SCARA3: variants seen among roughly 807,000 people sequenced by gnomAD.
SCARA3 encodes scavenger receptor class A member 3.
In SCARA3, 39 loss-of-function variants were observed where a neutral mutation model predicts 47.0. The ratio of observed to expected loss-of-function variants is 0.83; its 90% CI spans 0.64 to 1.08. The LOEUF (loss-of-function observed/expected upper bound fraction) is 1.08, where lower values mean the gene tolerates loss of function less well. Ranked by LOEUF, SCARA3 falls within the 50% of genes least tolerant of loss-of-function variation. The pLI, the probability that SCARA3 is intolerant of heterozygous loss-of-function variation, is 0.00. For missense variants in SCARA3, 724 were observed against 792.3 expected (o/e 0.91, Z 1.04); for synonymous variants, 356 against 334.1 (o/e 1.07, Z -0.71).
In SCARA3 at chr8:27,672,933, C is replaced by A. The variant is rs1802202474; in HGVS notation, c.*1582C>A. The A allele has an allele frequency of 1.0e-6, 1 of 985,372 alleles. No individual in the cohort carries two copies. Among genetic ancestry groups the A allele is most frequent in the Non-Finnish European group, 1.2e-6 (1 of 829,950 alleles). The allele number at this position is 985,372 out of a possible 1,614,324, so 61.0% of individuals were successfully genotyped here. A position where few individuals can be genotyped will look rare whatever the true frequency, so the allele number is the denominator to read the frequency against. ...ATGTGCAACTGGTTTGCACTGCACA[C>A]CCCACGGCCATGTAACTCTCCTGTC... On this transcript the variant is annotated 3_prime_UTR_variant, in exon 6 of 6. Transcript: ENST00000301904.
Position 27,658,589 on chromosome 8 carries a change from A to T in SCARA3, c.419A>T (p.Gln140Leu), listed in dbSNP as rs1247167929. The T allele has an allele frequency of 1.2e-6, 2 of 1,614,080 alleles. No individual in the cohort carries two copies. The highest frequency in any genetic ancestry group is 1.7e-6 in the Non-Finnish European group (2 of 1,180,044). The change falls in exon 5 of 6, where the codon CAG becomes CTG. Residue 140 changes from glutamine to leucine, a missense_variant. Gln to Leu is a moderately radical substitution (Grantham distance 113). Coordinates refer to ENST00000301904, the MANE Select transcript of SCARA3 (RefSeq NM_016240.3). ...RKLQEELEGI[Q>L]KLLLAQEVQL... ...CTGCAGGAGGAGCTGGAGGGAATTC[A>T]GAAGCTGCTTCTGGCCCAGGAGGTG...
chr8:27,727,860 C>G, the SCARA3 span, among the ~76,000 whole-genome samples: 2 of 152,132 alleles, frequency 1.3e-5, no homozygotes, highest in Admixed American at 6.5e-5. Flanking sequence ...AACCAATCAC[C>G]CCAACAGCTC....
the SCARA3 span, among the ~76,000 whole-genome samples, chr8:27,688,177 T>C: frequency 6.6e-6 from 1 of 152,186 alleles, no homozygotes; most frequent in Non-Finnish European, 1.5e-5. Context: ...AGTATTCTAA[T>C]GAAAAATGAT....
rs1292352274 is a variant in SCARA3 at position 27,649,729 on chromosome 8, C to A, written c.35C>A (p.Ala12Asp). The A allele has an allele frequency of 6.2e-7, 1 of 1,614,120 alleles. No homozygotes were observed. Among genetic ancestry groups the A allele is most frequent in the Admixed American group, 1.7e-5 (1 of 60,022 alleles). ...KVRSAGGDGD[A>D]LCVTEEDLAG... ...AGGTCGGCCGGCGGCGATGGAGATG[C>A]CTTGTGCGTTACAGAAGAGGACCTG... is the stretch of plus-strand genomic sequence containing the variant. Residue 12 changes from alanine to aspartate, a missense_variant, in exon 2 of 6, where the codon GCC (alanine) becomes GAC (aspartate). By Grantham distance (126) the Ala-to-Asp change is moderately radical (BLOSUM62 -2). Coordinates refer to ENST00000301904, the MANE Select transcript of SCARA3 (RefSeq NM_016240.3).
chr8:27,665,600 G>A (rs1170915621), intron 5 of SCARA3, among the ~76,000 whole-genome samples: 1 of 152,160 alleles, frequency 6.6e-6, no homozygotes, highest in African/African-American at 2.4e-5. Context: ...TCAAACTCGG[G>A]CTCAAGCAAT....
At chr8:27,657,301 TTATC>T (rs1358418945) in intron 4 of SCARA3, among the ~76,000 whole-genome samples, 4 of 151,874 alleles carry the variant, frequency 2.6e-5, no homozygotes, top group African/African-American at 9.7e-5. Flanking sequence ...TGCCATCTAT[TTATC>T]TATTTCCATA....
In SCARA3 at chr8:27,634,039, C is replaced by T. The variant is rs1287206960; in HGVS notation, c.-162C>T. 8 of 479,200 alleles carry T rather than the reference C, an allele frequency of 1.7e-5. No homozygotes were observed. The highest frequency in any genetic ancestry group is 9.8e-6 in the Non-Finnish European group (3 of 305,870). 29.7% of individuals were successfully genotyped at this position (479,200 alleles called of 1,614,324 possible). A position where few individuals can be genotyped will look rare whatever the true frequency, so the allele number is the denominator to read the frequency against. ...GACCCTCCACTCCTCCCGCCGCCTC[C>T]GCAGCCCGCGCGCCGGAGCATGAGT... On this transcript the variant is annotated 5_prime_UTR_variant, in exon 1 of 6. Coordinates refer to ENST00000301904, the MANE Select transcript of SCARA3 (RefSeq NM_016240.3).
chr8:27,643,592 T>C (rs753506619), intron 1 of SCARA3, among the ~76,000 whole-genome samples: 1 of 152,168 alleles, frequency 6.6e-6, no homozygotes, highest in African/African-American at 2.4e-5. Context: ...GAAAACAATT[T>C]TGCAACCTTA....
the SCARA3 span, among the ~76,000 whole-genome samples, chr8:27,712,826 A>G: frequency 1.3e-5 from 2 of 152,286 alleles, no homozygotes; most frequent in South Asian, 4.1e-4. Context: ...ACTTATGGTA[A>G]AAATATAAAA....
At chr8:27,691,862 AAGACCCCT>A in the SCARA3 span, among the ~76,000 whole-genome samples, 10 of 152,132 alleles carry the variant, frequency 6.6e-5, no homozygotes, top group Admixed American at 6.6e-4. Context: ...GTTATCATAA[AAGACCCCT>A]AAGATCCAGC....
chr8:27,671,639 C>A lies in SCARA3; in HGVS notation c.*288C>A, dbSNP rs892922314. ...ATGCACACATACACAGGCATACATG[C>A]ATGCACACACACATGCACGCACACA... On this transcript the variant is annotated 3_prime_UTR_variant, in exon 6 of 6. Coordinates refer to ENST00000301904, the MANE Select transcript of SCARA3 (RefSeq NM_016240.3). The A allele has an allele frequency of 8.8e-7, 1 of 1,140,586 alleles. No individual in the cohort carries two copies. Among genetic ancestry groups the A allele is most frequent in the Non-Finnish European group, 1.1e-6 (1 of 923,238 alleles). The allele number at this position is 1,140,586 out of a possible 1,614,324, so 70.7% of individuals were successfully genotyped here.
the SCARA3 span, among the ~76,000 whole-genome samples, chr8:27,711,356 GCATTTCAATC>G: frequency 6.6e-6 from 1 of 152,192 alleles, no homozygotes; most frequent in Non-Finnish European, 1.5e-5. Context: ...CCAGAGAGAA[GCATTTCAATC>G]CATTGCACTT....
chr8:27,670,339 G>A (rs1054420797), intron 5 of SCARA3, among the ~76,000 whole-genome samples: 8 of 152,206 alleles, frequency 5.3e-5, no homozygotes, highest in Non-Finnish European at 1.2e-4. Context: ...TCAATGAAAA[G>A]ACTCACAACG....
chr8:27,651,474 G>C (rs1431889739), intron 2 of SCARA3, 34 bp from the exon 3 acceptor site: 1 of 1,604,896 alleles, frequency 6.2e-7, no homozygotes, highest in East Asian at 2.2e-5. Context: ...TGGGCCCCTG[G>C]CCTAAGCCAT....
the SCARA3 span, among the ~76,000 whole-genome samples, chr8:27,700,163 T>A: frequency 2.6e-5 from 4 of 152,070 alleles, no homozygotes; most frequent in Non-Finnish European, 5.9e-5. Context: ...TAAATTGGAT[T>A]ATATCAAAAT....
At chr8:27,692,527 A>G in the SCARA3 span, among the ~76,000 whole-genome samples, 2 of 152,144 alleles carry the variant, frequency 1.3e-5, no homozygotes, top group Non-Finnish European at 2.9e-5. Flanking sequence ...CCCCAAATAT[A>G]TATCTGTTAT....
rs869278331 is a variant in SCARA3, at chr8:27,646,966, G to GCCCC, written c.8-2734_8-2731dup. 2.7e-4 allele frequency among the ~76,000 whole-genome samples: 8 copies of GCCCC among 29,858 alleles called. 1 individual carries two copies. Among genetic ancestry groups the GCCCC allele is most frequent in the Non-Finnish European group, 4.1e-4 (7 of 16,992 alleles). The allele number at this position is 29,858 out of a possible 152,430, so 19.6% of individuals were successfully genotyped here. On this transcript the variant is annotated intron_variant, in intron 1 of 5. Transcript: ENST00000301904. ...AAAGCACTTGCCCGCACCCCTGACCGCCCCCGCCCCCCCCCCGCACACACA... is the reference window on the plus strand; with the variant it reads ...AAAGCACTTGCCCGCACCCCTGACCGCCCCCCCCCGCCCCCCCCCCGCACACACA...
the SCARA3 span, among the ~76,000 whole-genome samples, chr8:27,688,519 G>A: frequency 2.5e-3 from 380 of 152,106 alleles, 2 homozygotes; most frequent in Non-Finnish European, 4.2e-3. Flanking sequence ...AACACAGTGA[G>A]ATTCTGTCTC....
the SCARA3 span, among the ~76,000 whole-genome samples, chr8:27,690,675 A>C: frequency 1.3e-5 from 2 of 152,212 alleles, no homozygotes; most frequent in Non-Finnish European, 2.9e-5. Flanking sequence ...CATTTGTGTG[A>C]AAGTATAAAT....
Sources: allele counts gnomAD v4.1 joint callset (sites outside exome capture counted in the v4.1 genomes callset), GRCh38; gene constraint gnomAD v4.1.1; transcripts MANE v1.5; gene names NCBI Gene and HGNC (gene_info 2026-07-23, HGNC 2026-07-21).